The following ACCSL variants were observed in gnomAD, a reference collection of about 807,000 sequenced individuals.
The protein encoded by ACCSL is 1-aminocyclopropane-1-carboxylate synthase homolog (inactive) like.
Under a neutral mutation model 61.7 loss-of-function variants are expected in ACCSL, and 55 were observed. The observed-to-expected ratio is 0.89, with a 90% CI of 0.72 to 1.12. The LOEUF (loss-of-function observed/expected upper bound fraction) is 1.12. Among genes scored for constraint, ACCSL ranks in the 50% most tolerant of loss-of-function variants. ACCSL has a pLI of 0.00. For synonymous variants in ACCSL, 258 were observed against 264.3 expected, an observed-to-expected ratio of 0.98 and a Z score of 0.23; for missense variants, 632 against 698.0, an observed-to-expected ratio of 0.91 and a Z score of 1.07.
At chr11:44,032,856 G>A in the ACCSL span, among the ~76,000 whole-genome samples, 1 of 152,168 alleles carries the variant, frequency 6.6e-6, no homozygotes, top group Non-Finnish European at 1.5e-5. Context: ...TGGTATGACT[G>A]GGAGGAAAAG....
the ACCSL span, among the ~76,000 whole-genome samples, chr11:43,984,014 G>A: frequency 7.9e-5 from 12 of 152,094 alleles, no homozygotes; most frequent in Non-Finnish European, 1.5e-4. Context: ...GTACTTGGGC[G>A]GCTGAGGCAG....
In ACCSL at chr11:44,056,274, C is replaced by T. The variant is rs1358056967; in HGVS notation, c.1275C>T (p.His425=). The change falls in exon 11 of 14, where the codon CAC becomes CAT. Residue 425 remains histidine (H), a synonymous_variant. Coordinates refer to ENST00000378832, the MANE Select transcript of ACCSL (RefSeq NM_001031854.2). Reference sequence around the variant, plus strand: ...CTGTGAGTGCCTTTGGCTACCTCCACAGTATTTCTGGCATCACCCAGCACA... The same window carrying T: ...CTGTGAGTGCCTTTGGCTACCTCCATAGTATTTCTGGCATCACCCAGCACA... ...ASAVSAFGYL[H]SISGITQHKL... 6.2e-7 allele frequency: 1 copy of T among 1,614,094 alleles called. No individual in the cohort carries two copies. Among genetic ancestry groups the T allele is most frequent in the East Asian group, 2.2e-5 (1 of 44,904 alleles).
chr11:43,979,804 G>A, the ACCSL span, among the ~76,000 whole-genome samples: 5 of 146,018 alleles, frequency 3.4e-5, no homozygotes, highest in South Asian at 4.3e-4. Flanking sequence ...CTGAGATTGC[G>A]CGACTGTGCT....
chr11:43,940,214 A>G, the ACCSL span, among the ~76,000 whole-genome samples: 3 of 152,100 alleles, frequency 2.0e-5, no homozygotes, highest in Admixed American at 1.3e-4. Flanking sequence ...TCCTGAGCTT[A>G]AGTGATCCTC....
At chr11:43,936,982 C>T in the ACCSL span, among the ~76,000 whole-genome samples, 2 of 152,122 alleles carry the variant, frequency 1.3e-5, no homozygotes, top group East Asian at 1.9e-4. Context: ...CTATGAAGCA[C>T]GCACCCTCTT....
chr11:43,999,708 AGAAT>A, the ACCSL span, among the ~76,000 whole-genome samples: 1 of 152,174 alleles, frequency 6.6e-6, no homozygotes, highest in African/African-American at 2.4e-5. Context: ...ATTATACAAG[AGAAT>A]GAATATCAGG....
intron 9 of ACCSL, 84 bp downstream of exon 9, chr11:44,055,375 T>A: frequency 9.4e-7 from 1 of 1,065,140 alleles, no homozygotes; most frequent in Non-Finnish European, 1.4e-6. Flanking sequence ...TGAACTTAAC[T>A]CAGTTCCTAG....
the ACCSL span, among the ~76,000 whole-genome samples, chr11:43,969,547 T>C: frequency 2.6e-5 from 4 of 152,070 alleles, no homozygotes; most frequent in Non-Finnish European, 5.9e-5. Context: ...ATTGCTAGCT[T>C]CTCCCCTTCT....
the ACCSL span, among the ~76,000 whole-genome samples, chr11:44,032,081 G>A: frequency 1.3e-5 from 2 of 152,160 alleles, no homozygotes; most frequent in Non-Finnish European, 2.9e-5. Context: ...CTCATACTTA[G>A]CGGCTTAAGA....
the ACCSL span, among the ~76,000 whole-genome samples, chr11:43,932,398 G>C: frequency 6.6e-6 from 1 of 152,204 alleles, no homozygotes; most frequent in Non-Finnish European, 1.5e-5. Flanking sequence ...CCCCCGAGCA[G>C]CTGGGACCAC....
chr11:43,958,336 A>G, the ACCSL span, among the ~76,000 whole-genome samples: 2 of 152,104 alleles, frequency 1.3e-5, no homozygotes, highest in East Asian at 1.9e-4. Context: ...AACTGGTTCT[A>G]TGGCCCCCAC....
chr11:43,934,543 G>A, the ACCSL span, among the ~76,000 whole-genome samples: 1 of 151,488 alleles, frequency 6.6e-6, no homozygotes, highest in African/African-American at 2.4e-5. Context: ...AAGTGTAGAT[G>A]GACCCAAACA....
the ACCSL span, among the ~76,000 whole-genome samples, chr11:43,985,707 T>C: frequency 1.3e-5 from 2 of 152,186 alleles, no homozygotes; most frequent in African/African-American, 4.8e-5. Context: ...ATCATGATCA[T>C]TGTCACCATT....
At chr11:43,943,495 C>T in the ACCSL span, 1 of 1,379,670 alleles carries the variant, frequency 7.2e-7, no homozygotes, top group Non-Finnish European at 9.6e-7. The surrounding 1 kb of genome is among the most constrained non-coding windows in gnomAD (Gnocchi z 4.8). Flanking sequence ...CTTTCCTCGT[C>T]CTTGTAAATG....
the ACCSL span, among the ~76,000 whole-genome samples, chr11:44,007,413 T>C: frequency 6.6e-6 from 1 of 152,170 alleles, no homozygotes; most frequent in East Asian, 1.9e-4. Context: ...TCCGAAGCCA[T>C]TGCTTCTGGG....
the ACCSL span, among the ~76,000 whole-genome samples, chr11:44,011,439 T>C: frequency 6.6e-6 from 1 of 152,184 alleles, no homozygotes; most frequent in Non-Finnish European, 1.5e-5. Flanking sequence ...CCCCTGCACT[T>C]AGCACAAAGC....
chr11:44,050,261 A>G (rs1952628227), intron 2 of ACCSL, 140 bp downstream of exon 2: 10 of 763,128 alleles, frequency 1.3e-5, no homozygotes, highest in Non-Finnish European at 2.3e-5. Context: ...AGAATAGCAC[A>G]TTTAACCTCC....
chr11:43,968,835 G>A, the ACCSL span, among the ~76,000 whole-genome samples: 1 of 152,110 alleles, frequency 6.6e-6, no homozygotes, highest in African/African-American at 2.4e-5. Context: ...GTAGGATGGG[G>A]TCACCTATCT....
chr11:44,042,373 A>C, the ACCSL span, among the ~76,000 whole-genome samples: 3 of 152,226 alleles, frequency 2.0e-5, no homozygotes, highest in African/African-American at 7.2e-5. Flanking sequence ...AGGACTAATA[A>C]ATTCAGTTTT....
Sources: gnomAD v4.1 joint callset for allele counts (sites outside exome capture counted in the v4.1 genomes callset) on GRCh38, gnomAD v4.1.1 for gene constraint, Gnocchi (gnomAD v3.1) non-coding constraint, MANE v1.5 for transcripts, NCBI Gene and HGNC (gene_info 2026-07-23, HGNC 2026-07-21) for gene names.